LRRC4C: variants seen among roughly 807,000 people sequenced by gnomAD.
LRRC4C encodes leucine-rich repeat-containing protein 4C.
Under a neutral mutation model 33.6 loss-of-function variants are expected in LRRC4C, and 5 were observed. The observed-to-expected ratio is 0.15, with a 90% CI of 0.08 to 0.31. The LOEUF is 0.31. Among genes scored for constraint, LRRC4C ranks in the 10% least tolerant of loss-of-function variants. The pLI is 1.00. For synonymous variants in LRRC4C, 329 were observed against 302.0 expected (o/e 1.09, Z -0.93); for missense variants, 560 against 796.7 (o/e 0.70, Z 3.58).
intron 1 of LRRC4C, among the ~76,000 whole-genome samples, chr11:40,951,087 T>C (rs2136718106): frequency 6.6e-6 from 1 of 152,054 alleles, no homozygotes; most frequent in South Asian, 2.1e-4. Context: ...ATGGAAATAA[T>C]GCAGCACCAT....
chr11:40,178,591 A>G (rs1166032396), intron 5 of LRRC4C, among the ~76,000 whole-genome samples: 1 of 152,138 alleles, frequency 6.6e-6, no homozygotes, highest in Non-Finnish European at 1.5e-5. Context: ...TTGTCCCCCT[A>G]TATCCACTCT....
chr11:40,953,000 C>T (rs1387808265), intron 1 of LRRC4C, among the ~76,000 whole-genome samples: 1 of 151,288 alleles, frequency 6.6e-6, no homozygotes, highest in Non-Finnish European at 1.5e-5. Flanking sequence ...TCCTTAAATG[C>T]AGGATAATCA....
intron 3 of LRRC4C, among the ~76,000 whole-genome samples, chr11:40,496,550 C>A (rs534626466): frequency 6.6e-6 from 1 of 151,862 alleles, no homozygotes; most frequent in Non-Finnish European, 1.5e-5. Flanking sequence ...GACTCAAATC[C>A]GCATAGACCA....
At chr11:40,723,275 T>C (rs1947120278) in intron 2 of LRRC4C, among the ~76,000 whole-genome samples, 1 of 151,226 alleles carries the variant, frequency 6.6e-6, no homozygotes, top group East Asian at 2.0e-4. Flanking sequence ...AGATACTATA[T>C]AAGACAATCA....
chr11:41,102,274 C>T (rs922458368), intron 1 of LRRC4C, among the ~76,000 whole-genome samples: 5 of 152,044 alleles, frequency 3.3e-5, no homozygotes, highest in African/African-American at 1.2e-4. Flanking sequence ...TTGCATTTTA[C>T]CTTTCATGGG....
At chr11:41,443,183 C>G (rs1234585746) in intron 1 of LRRC4C, among the ~76,000 whole-genome samples, 4 of 135,820 alleles carry the variant, frequency 2.9e-5, no homozygotes, top group African/African-American at 1.1e-4. Context: ...AAAGAATTAA[C>G]GAAGGCTTAG....
intron 1 of LRRC4C, among the ~76,000 whole-genome samples, chr11:41,295,599 A>AT (rs55977602): frequency 0.21 from 31,294 of 146,386 alleles, 3,661 homozygotes; most frequent in East Asian, 0.44. Flanking sequence ...GGCAACAAAC[A>AT]TTTTTTTTTT....
At chr11:41,116,661 G>C (rs1942145015) in intron 1 of LRRC4C, among the ~76,000 whole-genome samples, 2 of 152,076 alleles carry the variant, frequency 1.3e-5, no homozygotes, top group African/African-American at 4.8e-5. Context: ...GACAAAGTGA[G>C]TTGCTAAAAC....
chr11:40,838,357 T>G (rs1240431792), intron 2 of LRRC4C, among the ~76,000 whole-genome samples: 2 of 152,216 alleles, frequency 1.3e-5, no homozygotes, highest in African/African-American at 4.8e-5. Flanking sequence ...GAAAATGTTT[T>G]GTCTCTCAGA....
At chr11:40,251,883 C>T (rs1010111040) in intron 4 of LRRC4C, among the ~76,000 whole-genome samples, 2 of 152,196 alleles carry the variant, frequency 1.3e-5, no homozygotes, top group Non-Finnish European at 2.9e-5. Flanking sequence ...TTTCTGGGTG[C>T]ACCTTGGACT....
chr11:40,550,829 G>A (rs1046188469), intron 3 of LRRC4C, among the ~76,000 whole-genome samples: 1 of 151,864 alleles, frequency 6.6e-6, no homozygotes, highest in Non-Finnish European at 1.5e-5. Flanking sequence ...ATACCTAAGA[G>A]AAGCCTAACC....
intron 1 of LRRC4C, among the ~76,000 whole-genome samples, chr11:41,103,671 C>A (rs139630101): frequency 7.4e-4 from 113 of 151,938 alleles, no homozygotes; most frequent in African/African-American, 2.7e-3. Flanking sequence ...GCAAAAAATG[C>A]CAGCATAATA....
intron 1 of LRRC4C, among the ~76,000 whole-genome samples, chr11:41,011,829 A>ATATTATATTATATTATATTAT (rs1489762222): frequency 2.6e-4 from 38 of 146,806 alleles, no homozygotes; most frequent in Non-Finnish European, 4.6e-4. Context: ...GTTATATATT[A>ATATTATATTATATTATATTAT]TATTATATTA....
At chr11:40,951,673 A>G (rs1445867665) in intron 1 of LRRC4C, among the ~76,000 whole-genome samples, 2 of 152,044 alleles carry the variant, frequency 1.3e-5, no homozygotes, top group African/African-American at 4.8e-5. Flanking sequence ...TCATAAGGGA[A>G]TCCTCTATTA....
intron 2 of LRRC4C, among the ~76,000 whole-genome samples, chr11:40,679,967 C>T (rs540858345): frequency 3.3e-5 from 5 of 152,290 alleles, no homozygotes; most frequent in South Asian, 4.1e-4. Context: ...GGACACTCAA[C>T]GCCAGCCCGT....
chr11:41,303,232 C>T (rs1342030943), intron 1 of LRRC4C, among the ~76,000 whole-genome samples: 43 of 149,814 alleles, frequency 2.9e-4, no homozygotes, highest in African/African-American at 9.5e-4. Flanking sequence ...CGAATGCCTG[C>T]GATTGCAGGC....
At chr11:40,539,083 A>G (rs898462831) in intron 3 of LRRC4C, among the ~76,000 whole-genome samples, 4 of 152,162 alleles carry the variant, frequency 2.6e-5, no homozygotes, top group Admixed American at 6.6e-5. Context: ...TCTGCCCAAC[A>G]GAAGTATTGC....
At chr11:41,442,139 C>T (rs1955639856) in intron 1 of LRRC4C, among the ~76,000 whole-genome samples, 5 of 151,988 alleles carry the variant, frequency 3.3e-5, no homozygotes, top group Admixed American at 2.6e-4. Flanking sequence ...TAGGCTGATG[C>T]CATTTTTTAC....
At chr11:40,732,537 G>C (rs569086789) in intron 2 of LRRC4C, among the ~76,000 whole-genome samples, 6 of 152,234 alleles carry the variant, frequency 3.9e-5, no homozygotes, top group African/African-American at 1.4e-4. Context: ...GACTCTATGG[G>C]AGATTACACA....
Sources: gnomAD v4.1 joint callset for allele counts (sites outside exome capture counted in the v4.1 genomes callset) on GRCh38, gnomAD v4.1.1 for gene constraint, MANE v1.5 for transcripts, NCBI Gene and HGNC (gene_info 2026-07-23, HGNC 2026-07-21) for gene names.